The following GASK1A variants were observed in gnomAD, a reference collection of about 807,000 sequenced individuals.
The protein encoded by GASK1A is golgi associated kinase 1A, also known as Golgi-associated kinase 1A.
A neutral mutation model predicts 41.2 loss-of-function variants in GASK1A; 40 were observed. That is an observed-to-expected ratio of 0.97 (90% CI 0.75 to 1.27). GASK1A has a LOEUF of 1.27. Ranked by LOEUF, GASK1A falls within the 50% of genes most tolerant of loss-of-function variation. The pLI is 0.00. For missense variants in GASK1A, 678 were observed against 745.1 expected (o/e 0.91, Z 1.05); for synonymous variants, 316 against 307.1 (o/e 1.03, Z -0.30).
intron 1 of GASK1A, among the ~76,000 whole-genome samples, chr3:42,994,070 G>A (rs1477010111): frequency 6.6e-6 from 1 of 152,216 alleles, no homozygotes; most frequent in Non-Finnish European, 1.5e-5. Context: ...AGCCACAAAT[G>A]TGATGCTTTT....
At chr3:42,988,069 T>C (rs2089321651) in intron 1 of GASK1A, among the ~76,000 whole-genome samples, 1 of 149,828 alleles carries the variant, frequency 6.7e-6, no homozygotes, top group African/African-American at 2.4e-5. Flanking sequence ...TTTATTTATG[T>C]CCCCCAAGCC....
At chr3:42,998,185 G>T (rs749564926) in intron 1 of GASK1A, among the ~76,000 whole-genome samples, 1 of 152,128 alleles carries the variant, frequency 6.6e-6, no homozygotes, top group Non-Finnish European at 1.5e-5. Flanking sequence ...AGACGCAGCC[G>T]GGAGAACTCC....
intron 1 of GASK1A, among the ~76,000 whole-genome samples, chr3:42,980,879 T>C (rs1046567211): frequency 3.3e-5 from 5 of 152,182 alleles, no homozygotes; most frequent in Non-Finnish European, 5.9e-5. Flanking sequence ...GGAGATATCC[T>C]ATTACAAATT....
chr3:43,029,570 G>T (rs1454966400), intron 1 of GASK1A, among the ~76,000 whole-genome samples: 2 of 152,022 alleles, frequency 1.3e-5, no homozygotes, highest in Non-Finnish European at 2.9e-5. Flanking sequence ...TGAGGGAGCT[G>T]GTCCAGAGAG....
chr3:42,997,212 TC>T (rs2125675753), intron 1 of GASK1A, among the ~76,000 whole-genome samples: 1 of 152,308 alleles, frequency 6.6e-6, no homozygotes, highest in African/African-American at 2.4e-5. Context: ...ACTCTGCAAC[TC>T]CCTTTCAGAG....
At chr3:43,025,282 A>G (rs537568364) in intron 1 of GASK1A, among the ~76,000 whole-genome samples, 4 of 152,246 alleles carry the variant, frequency 2.6e-5, no homozygotes, top group African/African-American at 9.6e-5. Flanking sequence ...GTTTAGGAGG[A>G]AAAATTTGCA....
intron 1 of GASK1A, among the ~76,000 whole-genome samples, chr3:42,994,879 C>T (rs1468540368): frequency 1.3e-5 from 2 of 152,122 alleles, no homozygotes; most frequent in African/African-American, 4.8e-5. Flanking sequence ...TCAAATATCT[C>T]CAGAGTTGTC....
At chr3:43,051,483 C>T (rs925620658) in intron 2 of GASK1A, among the ~76,000 whole-genome samples, 2 of 152,124 alleles carry the variant, frequency 1.3e-5, no homozygotes, top group Non-Finnish European at 2.9e-5. Flanking sequence ...GAGGTGAGAG[C>T]TTAGGGTATT....
In GASK1A at chr3:43,056,354, A is replaced by G; in HGVS notation, c.1696A>G (p.Asn566Asp). The G allele has an allele frequency of 6.4e-7, 1 of 1,550,794 alleles. No individual in the cohort carries two copies. The highest frequency in any genetic ancestry group is 8.7e-7 in the Non-Finnish European group (1 of 1,146,840). The change falls in exon 5 of 5, where the codon AAC becomes GAC. Residue 566 changes from asparagine (N) to aspartate (D), a missense_variant. Transcript: ENST00000430121. ...QVLLGHIQKH[N>D]LTLFRDEDP The stretch of plus-strand genomic sequence containing the variant: ...GCTGCTGGGACACATCCAAAAGCAC[A>G]ACCTCACACTCTTCAGGGACGAGGA...
chr3:42,999,827 T>C (rs2089399978), intron 1 of GASK1A, among the ~76,000 whole-genome samples: 1 of 152,208 alleles, frequency 6.6e-6, no homozygotes, highest in East Asian at 1.9e-4. Context: ...AGAATCCTTT[T>C]TCTTGCCTTT....
chr3:43,023,799 T>C (rs2089533013), intron 1 of GASK1A, among the ~76,000 whole-genome samples: 1 of 152,212 alleles, frequency 6.6e-6, no homozygotes, highest in Admixed American at 6.5e-5. Flanking sequence ...GCACTGTTAG[T>C]TGCAATGATA....
At chr3:43,010,077 C>T (rs999228323) in intron 1 of GASK1A, among the ~76,000 whole-genome samples, 4 of 152,272 alleles carry the variant, frequency 2.6e-5, no homozygotes, top group African/African-American at 9.6e-5. Context: ...CTGCCTCCTG[C>T]CCCAGGGTGC....
intron 3 of GASK1A, 64 bp downstream of exon 3, chr3:43,053,707 G>A (rs2089703143): frequency 6.5e-7 from 1 of 1,534,222 alleles, no homozygotes. Context: ...TCCTTCAGAA[G>A]ATGCTGTTAA....
chr3:42,998,634 G>A (rs1018152029), intron 1 of GASK1A, among the ~76,000 whole-genome samples: 5 of 152,144 alleles, frequency 3.3e-5, no homozygotes, highest in African/African-American at 7.2e-5. Context: ...AGGAGTGTGC[G>A]GTAGGCAGGG....
chr3:42,985,340 C>A (rs2089302865), intron 1 of GASK1A, among the ~76,000 whole-genome samples: 1 of 152,058 alleles, frequency 6.6e-6, no homozygotes, highest in Non-Finnish European at 1.5e-5. Flanking sequence ...ATCAAGAAGG[C>A]CACAAATGGA....
chr3:43,019,823 AC>A (rs2089512681), intron 1 of GASK1A, among the ~76,000 whole-genome samples: 1 of 151,276 alleles, frequency 6.6e-6, no homozygotes, highest in Admixed American at 6.6e-5. Flanking sequence ...CCCTTCTCCC[AC>A]CCAGAAAACT....
intron 1 of GASK1A, among the ~76,000 whole-genome samples, chr3:43,009,214 G>T (rs931611154): frequency 6.6e-6 from 1 of 152,234 alleles, no homozygotes; most frequent in Admixed American, 6.5e-5. Context: ...ATCCTTCAGC[G>T]CATCCTTCTA....
In GASK1A at chr3:43,033,012, G is replaced by A. The variant is rs1478142798; in HGVS notation, c.749G>A (p.Ser250Asn). The part of the protein sequence containing the change: ...VWCDAETLLS[S>N]SRTGGQAPPW... ...TGTGATGCTGAGACGCTGTTGAGCA[G>A]CTCGAGGACTGGTGGGCAGGCTCCC... The change falls in exon 2 of 5, where the codon AGC (serine) becomes AAC (asparagine). Residue 250 changes from serine (S) to asparagine (N), a missense_variant. Coordinates refer to ENST00000430121, the MANE Select transcript of GASK1A (RefSeq NM_001129908.3). 1.3e-6 allele frequency: 2 copies of A among 1,551,728 alleles called. No individual in the cohort carries two copies. Among genetic ancestry groups the A allele is most frequent in the East Asian group, 4.9e-5 (2 of 40,912 alleles).
rs570423951 is a variant in GASK1A at position 43,022,076 on chromosome 3, G to A, written c.4-10191G>A. Reference sequence around the variant, plus strand: ...AGAATTGAGGGGAGGAGGTGGGGCCGCCCCCCGGCATGTCTGCAATGGCAG... The same window carrying A: ...AGAATTGAGGGGAGGAGGTGGGGCCACCCCCCGGCATGTCTGCAATGGCAG... On this transcript the variant is annotated intron_variant, in intron 1 of 4. Coordinates refer to ENST00000430121, the MANE Select transcript of GASK1A (RefSeq NM_001129908.3). 1.5e-4 allele frequency among the ~76,000 whole-genome samples: 23 copies of A among 152,256 alleles called. No homozygotes were observed. The East Asian group carries it at 3.5e-3, about 23-fold the overall frequency.
Sources: gnomAD v4.1 joint callset for allele counts (sites outside exome capture counted in the v4.1 genomes callset) on GRCh38, gnomAD v4.1.1 for gene constraint, MANE v1.5 for transcripts, NCBI Gene and HGNC (gene_info 2026-07-23, HGNC 2026-07-21) for gene names.